LINGO2: variants seen among roughly 807,000 people sequenced by gnomAD.
The protein encoded by LINGO2 is leucine rich repeat and Ig domain containing 2, also known as leucine-rich repeat and immunoglobulin-like domain-containing nogo receptor-interacting protein 2.
In LINGO2, 14 loss-of-function variants were observed where a neutral mutation model predicts 30.6. That is an observed-to-expected ratio of 0.46 (90% CI 0.30 to 0.72). The LOEUF is 0.72. Ranked by LOEUF, LINGO2 falls within the 30% of genes least tolerant of loss-of-function variation. LINGO2 has a pLI of 0.07. For missense variants in LINGO2, 729 were observed against 751.7 expected (o/e 0.97, Z 0.35); for synonymous variants, 317 against 288.5 (o/e 1.10, Z -1.00).
At chr9:28,348,391 T>G (rs550439137) in intron 3 of LINGO2, among the ~76,000 whole-genome samples, 26 of 152,022 alleles carry the variant, frequency 1.7e-4, no homozygotes, top group Non-Finnish European at 3.1e-4. Context: ...GGTGACGGAC[T>G]GCACCTGGAA....
the LINGO2 span, among the ~76,000 whole-genome samples, chr9:28,954,971 C>T: frequency 2.0e-5 from 3 of 152,120 alleles, no homozygotes; most frequent in African/African-American, 7.2e-5. Flanking sequence ...TGACTCATAC[C>T]GAACCAATGT....
At chr9:28,713,945 G>T in the LINGO2 span, among the ~76,000 whole-genome samples, 1 of 151,898 alleles carries the variant, frequency 6.6e-6, no homozygotes, top group African/African-American at 2.4e-5. Flanking sequence ...ATCACCTGAG[G>T]TCAGGAGTTT....
chr9:28,384,839 T>C (rs79126511), intron 2 of LINGO2, among the ~76,000 whole-genome samples: 2 of 62,716 alleles, frequency 3.2e-5, no homozygotes, highest in African/African-American at 8.0e-5. Context: ...AAAAAAAAAA[T>C]GTCTTCACAT....
intron 1 of LINGO2, among the ~76,000 whole-genome samples, chr9:28,537,026 A>G (rs1478931203): frequency 6.6e-6 from 1 of 152,176 alleles, no homozygotes; most frequent in Non-Finnish European, 1.5e-5. Context: ...TATTTAAAAA[A>G]AAATAAACAT....
chr9:28,350,120 T>C (rs1350325337), intron 3 of LINGO2, among the ~76,000 whole-genome samples: 1 of 150,076 alleles, frequency 6.7e-6, no homozygotes, highest in African/African-American at 2.5e-5. Context: ...GCTAACATCA[T>C]AATGACAGGA....
At chr9:28,325,330 C>T (rs1458387771) in intron 3 of LINGO2, among the ~76,000 whole-genome samples, 2 of 152,068 alleles carry the variant, frequency 1.3e-5, no homozygotes, top group Non-Finnish European at 2.9e-5. Flanking sequence ...AGGAGTCATA[C>T]CTTTGAAATA....
chr9:28,596,745 T>C (rs886238191), intron 1 of LINGO2, among the ~76,000 whole-genome samples: 2 of 152,206 alleles, frequency 1.3e-5, no homozygotes, highest in East Asian at 3.9e-4. Context: ...GAATACATAA[T>C]ATACATCATT....
chr9:28,392,475 T>A (rs1382585562), intron 2 of LINGO2, among the ~76,000 whole-genome samples: 1 of 152,158 alleles, frequency 6.6e-6, no homozygotes, highest in Non-Finnish European at 1.5e-5. Context: ...TAGTTCCACC[T>A]CATATGGGTG....
chr9:28,986,920 GTATTT>G, the LINGO2 span, among the ~76,000 whole-genome samples: 5 of 151,688 alleles, frequency 3.3e-5, no homozygotes, highest in Non-Finnish European at 4.4e-5. Flanking sequence ...GAACATCTGT[GTATTT>G]TATTTTATTT....
intron 1 of LINGO2, among the ~76,000 whole-genome samples, chr9:28,607,351 T>C (rs904008243): frequency 2.6e-5 from 4 of 152,048 alleles, no homozygotes; most frequent in African/African-American, 7.2e-5. Flanking sequence ...ATATTGGTTT[T>C]ATCATGTTGG....
the LINGO2 span, among the ~76,000 whole-genome samples, chr9:29,018,673 A>C: frequency 6.6e-6 from 1 of 152,156 alleles, no homozygotes; most frequent in African/African-American, 2.4e-5. Flanking sequence ...AGCTGGAATT[A>C]TGAATGAAGG....
At chr9:29,028,558 T>C in the LINGO2 span, among the ~76,000 whole-genome samples, 1 of 152,172 alleles carries the variant, frequency 6.6e-6, no homozygotes, top group Non-Finnish European at 1.5e-5. Flanking sequence ...AGGTAGAATG[T>C]ATTTATCCTC....
chr9:28,123,049 T>A (rs1202347308), intron 4 of LINGO2, among the ~76,000 whole-genome samples: 1 of 152,346 alleles, frequency 6.6e-6, no homozygotes, highest in African/African-American at 2.4e-5. Flanking sequence ...ATTTGAAAAA[T>A]ACTAAGTTAT....
chr9:29,190,060 G>A, the LINGO2 span, among the ~76,000 whole-genome samples: 1 of 131,784 alleles, frequency 7.6e-6, no homozygotes, highest in African/African-American at 2.8e-5. Context: ...AGGGGGAGGG[G>A]GAGGGGGAGC....
At chr9:29,008,752 T>C in the LINGO2 span, among the ~76,000 whole-genome samples, 1 of 152,162 alleles carries the variant, frequency 6.6e-6, no homozygotes, top group Non-Finnish European at 1.5e-5. Flanking sequence ...TTCATATCCT[T>C]CACCCAATTT....
chr9:27,989,884 C>T (rs775764578), intron 5 of LINGO2, among the ~76,000 whole-genome samples: 3 of 151,896 alleles, frequency 2.0e-5, no homozygotes, highest in Non-Finnish European at 4.4e-5. Flanking sequence ...TTTGCTCTTC[C>T]CCTAAAACTG....
At chr9:28,861,948 T>A in the LINGO2 span, among the ~76,000 whole-genome samples, 1 of 152,158 alleles carries the variant, frequency 6.6e-6, no homozygotes. Context: ...CCATTATATC[T>A]CCCGTAAACT....
At chr9:28,993,716 G>A in the LINGO2 span, among the ~76,000 whole-genome samples, 5 of 150,156 alleles carry the variant, frequency 3.3e-5, no homozygotes, top group Non-Finnish European at 5.9e-5. Context: ...TTCAATATAC[G>A]CAAATCAATA....
At chr9:28,301,804 C>A in intron 3 of LINGO2, among the ~76,000 whole-genome samples, 1 of 152,148 alleles carries the variant, frequency 6.6e-6, no homozygotes, top group East Asian at 1.9e-4. Flanking sequence ...AAATGAAATA[C>A]AGAATGTTAA....
Sources: allele counts gnomAD v4.1 joint callset (sites outside exome capture counted in the v4.1 genomes callset), GRCh38; gene constraint gnomAD v4.1.1; transcripts MANE v1.5; gene names NCBI Gene and HGNC (gene_info 2026-07-23, HGNC 2026-07-21).